Variants in SLC24A3 observed in about 807,000 individuals in gnomAD.
The protein encoded by SLC24A3 is solute carrier family 24 member 3.
In SLC24A3, 28 loss-of-function variants were observed where a neutral mutation model predicts 75.8. That is an observed-to-expected ratio of 0.37 (90% CI 0.27 to 0.51). The LOEUF (loss-of-function observed/expected upper bound fraction) is 0.51, where lower values mean the gene tolerates loss of function less well. SLC24A3 is among the 20% of genes least tolerant of loss of function. The pLI is 0.94. For synonymous variants in SLC24A3, 372 were observed against 334.1 expected (o/e 1.11, Z -1.24); for missense variants, 663 against 847.8 (o/e 0.78, Z 2.71).
At chr20:19,466,477 A>G (rs751370043) in intron 2 of SLC24A3, among the ~76,000 whole-genome samples, 3 of 152,334 alleles carry the variant, frequency 2.0e-5, no homozygotes, top group South Asian at 4.1e-4. Context: ...AGAGCAAAGC[A>G]TAATCCCAGC....
intron 9 of SLC24A3, among the ~76,000 whole-genome samples, chr20:19,675,684 C>G (rs528914112): frequency 3.7e-4 from 56 of 152,238 alleles, no homozygotes; most frequent in African/African-American, 1.3e-3. Flanking sequence ...AATGAAGAAA[C>G]CAGAAGTTAC....
At chr20:19,668,033 G>T (rs1317422900) in intron 8 of SLC24A3, among the ~76,000 whole-genome samples, 2 of 152,160 alleles carry the variant, frequency 1.3e-5, no homozygotes, top group African/African-American at 2.4e-5. Context: ...TATCTGGGGG[G>T]CATTGGAATC....
intron 6 of SLC24A3, among the ~76,000 whole-genome samples, chr20:19,619,493 C>A (rs557708408): frequency 6.6e-6 from 1 of 152,308 alleles, no homozygotes; most frequent in East Asian, 1.9e-4. Flanking sequence ...CAGAGATGAG[C>A]TTTCCCGTGG....
intron 2 of SLC24A3, among the ~76,000 whole-genome samples, chr20:19,371,883 G>T (rs1228317637): frequency 6.6e-6 from 1 of 152,046 alleles, no homozygotes; most frequent in Non-Finnish European, 1.5e-5. Flanking sequence ...TCTCAGGTGG[G>T]TATGCCAGCC....
intron 2 of SLC24A3, among the ~76,000 whole-genome samples, chr20:19,331,935 G>A (rs1041252302): frequency 1.5e-4 from 23 of 152,204 alleles, no homozygotes; most frequent in Admixed American, 1.2e-3. Flanking sequence ...GAGGGAAGGA[G>A]TCATTCCTAT....
At chr20:19,548,484 C>A (rs1296775602) in intron 3 of SLC24A3, among the ~76,000 whole-genome samples, 2 of 152,206 alleles carry the variant, frequency 1.3e-5, no homozygotes, top group Non-Finnish European at 2.9e-5. Flanking sequence ...TTTTCTATTG[C>A]TGTGGAACAA....
chr20:19,296,057 G>A (rs995760391), intron 2 of SLC24A3, among the ~76,000 whole-genome samples: 34 of 152,076 alleles, frequency 2.2e-4, no homozygotes, highest in African/African-American at 8.0e-4. Flanking sequence ...TCTATTCAGG[G>A]ATTCAACTTA....
At chr20:19,612,806 C>T (rs935302056) in intron 6 of SLC24A3, among the ~76,000 whole-genome samples, 1 of 152,286 alleles carries the variant, frequency 6.6e-6, no homozygotes, top group Middle Eastern at 3.4e-3. Flanking sequence ...GCTCTGTGCC[C>T]CACCAAGCAC....
At chr20:19,616,727 G>A (rs907442364) in intron 6 of SLC24A3, among the ~76,000 whole-genome samples, 2 of 152,118 alleles carry the variant, frequency 1.3e-5, no homozygotes, top group Non-Finnish European at 2.9e-5. Context: ...GACCAGCAAT[G>A]ATGAGCCACT....
At chr20:19,704,537 A>G (rs1248025475) in intron 15 of SLC24A3, among the ~76,000 whole-genome samples, 1 of 152,230 alleles carries the variant, frequency 6.6e-6, no homozygotes, top group Non-Finnish European at 1.5e-5. Context: ...TAGACAGTAC[A>G]TACGTGAACA....
At chr20:19,344,735 C>T (rs924755161) in intron 2 of SLC24A3, among the ~76,000 whole-genome samples, 3 of 152,194 alleles carry the variant, frequency 2.0e-5, no homozygotes, top group African/African-American at 4.8e-5. Flanking sequence ...GAGAAATTAA[C>T]TCCCCAGCAC....
intron 2 of SLC24A3, among the ~76,000 whole-genome samples, chr20:19,345,142 CAA>C (rs755568529): frequency 1.3e-5 from 2 of 152,070 alleles, no homozygotes; most frequent in East Asian, 1.9e-4. Context: ...TTGCAGGATA[CAA>C]AGACACAGGA....
chr20:19,314,353 A>G (rs6045991), intron 2 of SLC24A3, among the ~76,000 whole-genome samples: 134,442 of 150,702 alleles, frequency 0.89, 61,901 homozygotes, highest in South Asian at 1. Flanking sequence ...TCAGTCCACC[A>G]CCCAGGCTGG....
intron 3 of SLC24A3, among the ~76,000 whole-genome samples, chr20:19,550,541 TGTGA>T (rs1370631456): frequency 6.6e-6 from 1 of 152,288 alleles, no homozygotes; most frequent in East Asian, 1.9e-4. Context: ...AAGATACATG[TGTGA>T]GTGTGTGTGT....
intron 12 of SLC24A3, among the ~76,000 whole-genome samples, chr20:19,687,686 G>A (rs1242646324): frequency 6.6e-6 from 1 of 152,232 alleles, no homozygotes; most frequent in East Asian, 1.9e-4. Flanking sequence ...TGAAAGATGT[G>A]TGTGTGAGAT....
At chr20:19,360,896 G>T (rs1054263824) in intron 2 of SLC24A3, among the ~76,000 whole-genome samples, 6 of 151,604 alleles carry the variant, frequency 4.0e-5, no homozygotes, top group African/African-American at 1.5e-4. Flanking sequence ...GCACAATCTC[G>T]GCTCACTGCA....
intron 13 of SLC24A3, 108 bp from the exon 14 acceptor site, chr20:19,696,689 A>G (rs2074205241): frequency 1.4e-6 from 1 of 725,692 alleles, no homozygotes. Context: ...ATTGCACCCC[A>G]CAGAGATAGC....
chr20:19,695,560 T>C (rs1471396449), intron 13 of SLC24A3: 1 of 152,244 alleles, frequency 6.6e-6, no homozygotes, highest in East Asian at 1.9e-4. Flanking sequence ...ATTTGTTACA[T>C]GGATATATTG....
chr20:19,366,138 TTGG>T (rs1985886702), intron 2 of SLC24A3, among the ~76,000 whole-genome samples: 1 of 152,174 alleles, frequency 6.6e-6, no homozygotes, highest in Non-Finnish European at 1.5e-5. Context: ...GACAAGGTTT[TTGG>T]TGGTGGTGGT....
Sources: gnomAD v4.1 joint callset for allele counts (sites outside exome capture counted in the v4.1 genomes callset) on GRCh38, gnomAD v4.1.1 for gene constraint, MANE v1.5 for transcripts, NCBI Gene and HGNC (gene_info 2026-07-23, HGNC 2026-07-21) for gene names.